DAB1: variants seen among roughly 807,000 people sequenced by gnomAD.
The protein encoded by DAB1 is DAB adaptor protein 1.
Under a neutral mutation model 64.6 loss-of-function variants are expected in DAB1, and 15 were observed. The observed-to-expected ratio is 0.23, with a 90% CI of 0.16 to 0.36. The LOEUF (loss-of-function observed/expected upper bound fraction) is 0.36, where lower values mean the gene tolerates loss of function less well. Among genes scored for constraint, DAB1 ranks in the 10% least tolerant of loss-of-function variants. DAB1 has a pLI of 1.00. For synonymous variants in DAB1, 235 were observed against 251.9 expected, an observed-to-expected ratio of 0.93 and a Z score of 0.64; for missense variants, 596 against 706.7, an observed-to-expected ratio of 0.84 and a Z score of 1.78.
intron 3 of DAB1, among the ~76,000 whole-genome samples, chr1:58,455,287 G>A (rs1214287681): frequency 6.6e-6 from 1 of 152,256 alleles, no homozygotes; most frequent in East Asian, 1.9e-4. Flanking sequence ...ACACTGTAGA[G>A]TTGCCCTTCC....
chr1:57,766,941 G>A (rs1488029839), intron 6 of DAB1, among the ~76,000 whole-genome samples: 3 of 152,092 alleles, frequency 2.0e-5, no homozygotes, highest in African/African-American at 7.2e-5. Flanking sequence ...TATTATAAAT[G>A]ATACAACTTA....
intron 7 of DAB1, among the ~76,000 whole-genome samples, chr1:57,615,526 A>G (rs1645781394): frequency 6.6e-6 from 1 of 152,210 alleles, no homozygotes; most frequent in South Asian, 2.1e-4. Flanking sequence ...TGAAAGAGAA[A>G]CAGACTTCTC....
intron 4 of DAB1, among the ~76,000 whole-genome samples, chr1:58,296,370 C>A (rs1661994535): frequency 6.6e-6 from 1 of 152,098 alleles, no homozygotes; most frequent in Non-Finnish European, 1.5e-5. Context: ...TCCCAAAGGA[C>A]CCAGTAATAT....
intron 1 of DAB1, among the ~76,000 whole-genome samples, chr1:57,361,553 G>A (rs1679550678): frequency 6.6e-6 from 1 of 151,862 alleles, no homozygotes; most frequent in Non-Finnish European, 1.5e-5. Flanking sequence ...AGAATATTCT[G>A]TGCTCCATTG....
At chr1:57,931,610 A>C (rs1181668653) in intron 5 of DAB1, among the ~76,000 whole-genome samples, 2 of 152,152 alleles carry the variant, frequency 1.3e-5, no homozygotes, top group African/African-American at 2.4e-5. Context: ...GATCCATTTC[A>C]TCTAGGCTAT....
At chr1:57,112,530 G>A (rs937724096) in intron 4 of DAB1, among the ~76,000 whole-genome samples, 2 of 152,094 alleles carry the variant, frequency 1.3e-5, no homozygotes, top group African/African-American at 4.8e-5. Context: ...TAGAGAGCAA[G>A]CTGAAAATGT....
intron 4 of DAB1, among the ~76,000 whole-genome samples, chr1:57,116,879 T>C (rs1047014709): frequency 6.6e-6 from 1 of 152,212 alleles, no homozygotes; most frequent in Non-Finnish European, 1.5e-5. Context: ...ATGGAGAGAA[T>C]TCTTTTTATA....
intron 2 of DAB1, among the ~76,000 whole-genome samples, chr1:57,165,181 A>C (rs1661107889): frequency 6.6e-6 from 1 of 152,174 alleles, no homozygotes; most frequent in Admixed American, 6.6e-5. Flanking sequence ...AATTAATTTA[A>C]TATGTAACAG....
intron 3 of DAB1, among the ~76,000 whole-genome samples, chr1:58,352,402 A>C (rs1644066590): frequency 6.6e-6 from 1 of 152,206 alleles, no homozygotes; most frequent in Non-Finnish European, 1.5e-5. Flanking sequence ...CTGATGAGGA[A>C]GTAGAATTAG....
chr1:57,233,049 C>G (rs1054776296), intron 2 of DAB1, among the ~76,000 whole-genome samples: 1 of 151,912 alleles, frequency 6.6e-6, no homozygotes, highest in Admixed American at 6.6e-5. Flanking sequence ...GAAAGGGAAA[C>G]TGTTTTTAAA....
chr1:57,155,683 T>C (rs919600448), intron 2 of DAB1, among the ~76,000 whole-genome samples: 1 of 151,988 alleles, frequency 6.6e-6, no homozygotes, highest in African/African-American at 2.4e-5. Flanking sequence ...ACATGGAATA[T>C]TTTTCCATTT....
intron 5 of DAB1, chr1:58,049,402 C>T (rs892517597): frequency 1.3e-5 from 6 of 475,894 alleles, no homozygotes; most frequent in East Asian, 1.2e-4. Flanking sequence ...CACTTCTTTC[C>T]GATAATAATT....
chr1:57,449,275 A>T (rs1185522254), intron 7 of DAB1, among the ~76,000 whole-genome samples: 1 of 152,174 alleles, frequency 6.6e-6, no homozygotes, highest in Non-Finnish European at 1.5e-5. Flanking sequence ...ACATTGAAAT[A>T]GTGACAAAAA....
intron 7 of DAB1, among the ~76,000 whole-genome samples, chr1:57,587,990 T>G (rs1385230127): frequency 6.6e-6 from 1 of 152,216 alleles, no homozygotes. Context: ...CTGAAACTCC[T>G]GAGGCCACTT....
intron 1 of DAB1, among the ~76,000 whole-genome samples, chr1:57,873,172 A>C (rs1214459632): frequency 6.6e-6 from 1 of 152,180 alleles, no homozygotes; most frequent in African/African-American, 2.4e-5. Flanking sequence ...GGCAGGAGGA[A>C]TTGACTGAAA....
chr1:57,438,980 C>G (rs1333177715), intron 7 of DAB1, among the ~76,000 whole-genome samples: 1 of 152,176 alleles, frequency 6.6e-6, no homozygotes, highest in Non-Finnish European at 1.5e-5. Flanking sequence ...CCACTCTCAG[C>G]TCTGGGTTGG....
rs1557724787 is a variant in DAB1 at position 58,296,191 on chromosome 1, G to GA, written n.309+47160dup. 4.3e-4 allele frequency among the ~76,000 whole-genome samples: 48 copies of GA among 112,724 alleles called. 1 individual carries two copies. The highest frequency in any genetic ancestry group is 5.7e-4 in the South Asian group (2 of 3,498). The allele number at this position is 112,724 out of a possible 152,430, so 74.0% of individuals were successfully genotyped here. A position where few individuals can be genotyped will look rare whatever the true frequency, so the allele number is the denominator to read the frequency against. On this transcript the variant is annotated intron_variant and non_coding_transcript_variant, in intron 4 of 20. Coordinates refer to the DAB1 transcript ENST00000485760. ...GAAAGAAAAAAGAAAGAAAGAGAAA[G>GA]AAAGAGAAAGAAAGAAAGAAAGAAA...
At chr1:57,199,885 A>G (rs1047541273) in intron 2 of DAB1, among the ~76,000 whole-genome samples, 1 of 152,142 alleles carries the variant, frequency 6.6e-6, no homozygotes, top group Admixed American at 6.5e-5. Context: ...ACAGTCTGGT[A>G]CCAAGCAGTC....
intron 4 of DAB1, among the ~76,000 whole-genome samples, chr1:58,242,457 T>C (rs1660341537): frequency 1.3e-5 from 2 of 152,106 alleles, no homozygotes; most frequent in African/African-American, 4.8e-5. Context: ...ATTATATCCA[T>C]ACCAAGGCAG....
Sources: allele counts gnomAD v4.1 joint callset (sites outside exome capture counted in the v4.1 genomes callset), GRCh38; gene constraint gnomAD v4.1.1; transcripts MANE v1.5; gene names NCBI Gene and HGNC (gene_info 2026-07-23, HGNC 2026-07-21).